The following SHTN1 variants were observed in gnomAD, a reference collection of about 807,000 sequenced individuals.
The protein encoded by SHTN1 is shootin 1.
A neutral mutation model predicts 83.1 loss-of-function variants in SHTN1; 42 were observed. That is an observed-to-expected ratio of 0.51 (90% CI 0.39 to 0.65). SHTN1 has a LOEUF of 0.65. Ranked by LOEUF, SHTN1 falls within the 30% of genes least tolerant of loss-of-function variation. The pLI, the probability that SHTN1 is intolerant of heterozygous loss-of-function variation, is 0.00. For missense variants in SHTN1, 622 were observed against 737.8 expected, an observed-to-expected ratio of 0.84 and a Z score of 1.82; for synonymous variants, 224 against 247.7, an observed-to-expected ratio of 0.90 and a Z score of 0.90.
intron 1 of SHTN1, among the ~76,000 whole-genome samples, chr10:116,990,371 G>C (rs1851385404): frequency 7.1e-6 from 1 of 141,690 alleles, no homozygotes; most frequent in Non-Finnish European, 1.5e-5. Flanking sequence ...TATGTTTTGA[G>C]AGCTTGGCTT....
intron 1 of SHTN1, among the ~76,000 whole-genome samples, chr10:117,069,423 T>TA (rs1024285947): frequency 4.6e-5 from 7 of 152,128 alleles, no homozygotes; most frequent in Non-Finnish European, 8.8e-5. Flanking sequence ...GAGCTGTAGC[T>TA]AAAAAAGAAT....
chr10:117,023,986 G>GCCTGCTGCATA, intron 2 of SHTN1: 1 of 152,532 alleles, frequency 6.6e-6, no homozygotes, highest in East Asian at 1.9e-4. Context: ...TTAAAATAAA[G>GCCTGCTGCATA]CCTGCTGCAT....
At chr10:117,013,790 T>G (rs372370279) in intron 2 of SHTN1, among the ~76,000 whole-genome samples, 7 of 152,216 alleles carry the variant, frequency 4.6e-5, no homozygotes, top group African/African-American at 1.2e-4. Flanking sequence ...GGAAAACTTA[T>G]GTTCACAGAA....
intron 1 of SHTN1, among the ~76,000 whole-genome samples, chr10:116,995,940 A>G (rs1851612372): frequency 6.6e-6 from 1 of 152,168 alleles, no homozygotes; most frequent in South Asian, 2.1e-4. Flanking sequence ...TCTGATGTTG[A>G]GTCCTAAGCT....
intron 1 of SHTN1, among the ~76,000 whole-genome samples, chr10:117,096,190 G>A (rs1026075415): frequency 6.6e-6 from 1 of 152,106 alleles, no homozygotes; most frequent in Non-Finnish European, 1.5e-5. Context: ...AAAGTGTAAC[G>A]ATTTGGTTAT....
chr10:117,010,126 G>C (rs1852081661), upstream of SHTN1, among the ~76,000 whole-genome samples: 2 of 151,554 alleles, frequency 1.3e-5, no homozygotes, highest in African/African-American at 4.8e-5. Context: ...AAAAATAATA[G>C]AATTAATAAA....
intron 1 of SHTN1, among the ~76,000 whole-genome samples, chr10:116,994,396 T>C (rs1851553925): frequency 6.6e-6 from 1 of 152,130 alleles, no homozygotes; most frequent in Non-Finnish European, 1.5e-5. Flanking sequence ...CCTTGATATC[T>C]AAAGTATACT....
At chr10:117,061,001 C>A (rs1171403912) in intron 1 of SHTN1, among the ~76,000 whole-genome samples, 1 of 152,102 alleles carries the variant, frequency 6.6e-6, no homozygotes, top group Non-Finnish European at 1.5e-5. Context: ...TATAGGAATC[C>A]AATTGGGAAG....
intron 2 of SHTN1, among the ~76,000 whole-genome samples, chr10:117,020,546 A>G (rs1411342528): frequency 1.3e-5 from 2 of 151,852 alleles, no homozygotes; most frequent in African/African-American, 4.8e-5. Context: ...TATTTTCAAT[A>G]AAAGTGCTAA....
At chr10:117,095,615 T>C (rs1249285947) in intron 1 of SHTN1, among the ~76,000 whole-genome samples, 1 of 152,208 alleles carries the variant, frequency 6.6e-6, no homozygotes, top group Admixed American at 6.5e-5. Flanking sequence ...TACTATTCTC[T>C]TCATCTTTTC....
intron 1 of SHTN1, among the ~76,000 whole-genome samples, chr10:117,072,306 G>C (rs972590350): frequency 6.6e-6 from 1 of 152,134 alleles, no homozygotes. Flanking sequence ...TTCCATCATA[G>C]CAGACGGGAA....
intron 1 of SHTN1, among the ~76,000 whole-genome samples, chr10:117,114,831 G>A (rs1214823994): frequency 1.3e-5 from 2 of 152,178 alleles, no homozygotes; most frequent in African/African-American, 4.8e-5. Flanking sequence ...AGGAGATCTG[G>A]TTCTGCACAC....
At chr10:116,935,104 C>T (rs1456246900) in intron 9 of SHTN1, among the ~76,000 whole-genome samples, 1 of 152,196 alleles carries the variant, frequency 6.6e-6, no homozygotes, top group Non-Finnish European at 1.5e-5. Context: ...ATCATGTCAT[C>T]TGCAAACAGA....
upstream of SHTN1, among the ~76,000 whole-genome samples, chr10:117,010,466 G>A (rs1852087769): frequency 6.6e-6 from 1 of 152,060 alleles, no homozygotes; most frequent in Non-Finnish European, 1.5e-5. Context: ...AATAAGTTCA[G>A]GCCCAGATGT....
intron 5 of SHTN1, among the ~76,000 whole-genome samples, chr10:116,952,302 G>C (rs1213791963): frequency 7.2e-5 from 11 of 152,046 alleles, no homozygotes; most frequent in Admixed American, 7.2e-4. Flanking sequence ...CTAGCATTTT[G>C]GAAGTAAAAT....
At chr10:117,044,537 C>A (rs941798890) in intron 2 of SHTN1, among the ~76,000 whole-genome samples, 1 of 152,090 alleles carries the variant, frequency 6.6e-6, no homozygotes, top group Non-Finnish European at 1.5e-5. Flanking sequence ...CTGTGAAACA[C>A]CCATTCTTGA....
chr10:117,094,866 C>T (rs1589930114), intron 1 of SHTN1, among the ~76,000 whole-genome samples: 2 of 152,126 alleles, frequency 1.3e-5, no homozygotes, highest in Admixed American at 6.6e-5. Flanking sequence ...ATCTGAATCT[C>T]GATAAGTTAC....
At chr10:117,081,168 G>C (rs1853255762) in intron 1 of SHTN1, among the ~76,000 whole-genome samples, 1 of 148,316 alleles carries the variant, frequency 6.7e-6, no homozygotes, top group South Asian at 2.1e-4. Flanking sequence ...ATTGGCTGTG[G>C]GTTTGTCATA....
chr10:117,065,780 GAAA>G (rs1852980690), intron 1 of SHTN1, among the ~76,000 whole-genome samples: 2 of 22,240 alleles, frequency 9.0e-5, no homozygotes, highest in African/African-American at 1.6e-4. Flanking sequence ...AAGAAAGAAA[GAAA>G]GGAAGGAAGG....
Sources: allele counts gnomAD v4.1 joint callset (sites outside exome capture counted in the v4.1 genomes callset), GRCh38; gene constraint gnomAD v4.1.1; transcripts MANE v1.5; gene names NCBI Gene and HGNC (gene_info 2026-07-23, HGNC 2026-07-21).